FUT8: variants seen among roughly 807,000 people sequenced by gnomAD.
The protein encoded by FUT8 is fucosyltransferase 8.
In FUT8, 29 loss-of-function variants were observed where a neutral mutation model predicts 71.3. The ratio of observed to expected loss-of-function variants is 0.41; its 90% CI spans 0.30 to 0.55. The LOEUF is 0.55. Ranked by LOEUF, FUT8 falls within the 20% of genes least tolerant of loss-of-function variation. The pLI is 0.34. For missense variants in FUT8, 544 were observed against 702.1 expected, an observed-to-expected ratio of 0.77 and a Z score of 2.55; for synonymous variants, 254 against 239.3, an observed-to-expected ratio of 1.06 and a Z score of -0.57.
chr14:65,494,232 C>T (rs1205864471), intron 2 of FUT8, among the ~76,000 whole-genome samples: 1 of 152,110 alleles, frequency 6.6e-6, no homozygotes. Flanking sequence ...CAAAATATTT[C>T]AACAACTAAT....
At chr14:65,474,613 TAAAA>T in intron 2 of FUT8, among the ~76,000 whole-genome samples, 1 of 151,852 alleles carries the variant, frequency 6.6e-6, no homozygotes, top group South Asian at 2.1e-4. Flanking sequence ...AATAAAAAAT[TAAAA>T]AAGATCTTCT....
chr14:65,556,859 T>C (rs1885611514), intron 2 of FUT8, among the ~76,000 whole-genome samples: 1 of 152,224 alleles, frequency 6.6e-6, no homozygotes, highest in Non-Finnish European at 1.5e-5. Flanking sequence ...TTAAGCCTTT[T>C]CCAGTATTCT....
intron 3 of FUT8, among the ~76,000 whole-genome samples, chr14:65,586,804 T>C: frequency 6.6e-6 from 1 of 152,186 alleles, no homozygotes. Context: ...AAAGGACAAA[T>C]AATTTCCTCT....
intron 2 of FUT8, among the ~76,000 whole-genome samples, chr14:65,527,067 C>G (rs1339869745): frequency 6.6e-6 from 1 of 152,142 alleles, no homozygotes; most frequent in African/African-American, 2.4e-5. Context: ...CAAGGAGTAT[C>G]TTTGTGGCGT....
rs546350499 is a variant in FUT8 at position 65,665,539 on chromosome 14, G to A, written c.598-3704G>A. Among the ~76,000 whole-genome samples, 5 of 152,166 alleles carry A rather than the reference G, an allele frequency of 3.3e-5. No individual in the cohort carries two copies. In the South Asian group the frequency reaches 8.3e-4, roughly 25 times the overall value. ...GTAGAAAGCAGTGTGGAAATTACTC[G>A]AAGAACTTTTACTACCATTTGACCC... On this transcript the variant is annotated intron_variant, in intron 6 of 10. Coordinates refer to ENST00000673929, the MANE Select transcript of FUT8 (RefSeq NM_001371533.1).
chr14:65,535,513 A>G (rs1884246407), intron 2 of FUT8, among the ~76,000 whole-genome samples: 1 of 152,170 alleles, frequency 6.6e-6, no homozygotes, highest in African/African-American at 2.4e-5. Context: ...ACTAATGTTA[A>G]AGAACTTCTT....
At chr14:65,409,384 G>GA (rs569805251), upstream of FUT8, among the ~76,000 whole-genome samples, 17 of 152,134 alleles carry the variant, frequency 1.1e-4, no homozygotes, top group Admixed American at 5.2e-4. The surrounding 1 kb of genome is among the most constrained non-coding windows in gnomAD (Gnocchi z 5.4). Context: ...CCCCTTGCTG[G>GA]AACTCCACAG....
chr14:65,417,684 C>T (rs7145574), intron 1 of FUT8, among the ~76,000 whole-genome samples: 18,782 of 151,898 alleles, frequency 0.12, 1,492 homozygotes, highest in East Asian at 0.38. Flanking sequence ...AGGAGAAATA[C>T]GTTTTGAATT....
At chr14:65,680,195 CAG>C (rs1174605845) in intron 7 of FUT8, among the ~76,000 whole-genome samples, 1 of 152,188 alleles carries the variant, frequency 6.6e-6, no homozygotes, top group Non-Finnish European at 1.5e-5. Flanking sequence ...AAAGGCCAGA[CAG>C]AGAGCTAGAG....
intron 6 of FUT8, among the ~76,000 whole-genome samples, chr14:65,659,565 C>G (rs779827814): frequency 3.7e-4 from 56 of 152,122 alleles, no homozygotes; most frequent in Admixed American, 2.0e-3. Flanking sequence ...ATCTTTTACA[C>G]TTGATCTTAG....
intron 2 of FUT8, among the ~76,000 whole-genome samples, chr14:65,485,229 T>C (rs1200115903): frequency 1.3e-5 from 2 of 152,212 alleles, no homozygotes; most frequent in Non-Finnish European, 2.9e-5. Context: ...TGGGTTGGTT[T>C]CAGTCAATTG....
At chr14:65,667,373 T>A (rs112072398) in intron 6 of FUT8, among the ~76,000 whole-genome samples, 69 of 152,028 alleles carry the variant, frequency 4.5e-4, no homozygotes, top group Non-Finnish European at 8.2e-4. Context: ...TTTCTATACA[T>A]CAGTAATATC....
intron 6 of FUT8, among the ~76,000 whole-genome samples, chr14:65,658,998 G>A (rs368731741): frequency 1.5e-4 from 23 of 151,976 alleles, no homozygotes; most frequent in East Asian, 5.8e-4. Flanking sequence ...CTTTTTGGAA[G>A]GTACGCTGTA....
rs1886377858 is a variant in FUT8 at position 65,569,706 on chromosome 14, A to C, written c.203+7940A>C. Among the ~76,000 whole-genome samples, 4 of 151,514 alleles carry C rather than the reference A, an allele frequency of 2.6e-5. No homozygotes were observed. The South Asian group carries it at 8.3e-4, about 32-fold the overall frequency. On this transcript the variant is annotated intron_variant, in intron 3 of 10. Transcript: ENST00000673929. ...ATCACCTTTTGGTTGATTTCTTTTGATATTTATTTTGATTGTTAGTCAAAT... is the reference window on the plus strand; with the variant it reads ...ATCACCTTTTGGTTGATTTCTTTTGCTATTTATTTTGATTGTTAGTCAAAT...
At chr14:65,380,844 A>G in the FUT8 span, among the ~76,000 whole-genome samples, 1 of 152,248 alleles carries the variant, frequency 6.6e-6, no homozygotes, top group Non-Finnish European at 1.5e-5. Flanking sequence ...CAATGTCACA[A>G]GTTTCCCATT....
chr14:65,364,174 G>A, the FUT8 span, among the ~76,000 whole-genome samples: 2 of 150,576 alleles, frequency 1.3e-5, no homozygotes, highest in Non-Finnish European at 3.0e-5. Flanking sequence ...TTTAAAATAG[G>A]AGTAAAATGA....
chr14:65,392,403 T>G, the FUT8 span, among the ~76,000 whole-genome samples: 1 of 152,206 alleles, frequency 6.6e-6, no homozygotes, highest in Non-Finnish European at 1.5e-5. Flanking sequence ...AAGGCCACAA[T>G]TATAAAATCC....
At chr14:65,492,787 A>G (rs964162121) in intron 2 of FUT8, among the ~76,000 whole-genome samples, 2 of 152,176 alleles carry the variant, frequency 1.3e-5, no homozygotes, top group Admixed American at 6.6e-5. Flanking sequence ...GTAATAAGAG[A>G]TTCAGCTTAC....
At chr14:65,740,918 GC>G (rs1896466997) in intron 10 of FUT8, among the ~76,000 whole-genome samples, 1 of 151,966 alleles carries the variant, frequency 6.6e-6, no homozygotes, top group South Asian at 2.1e-4. Context: ...TTAAAAGACT[GC>G]CGGGTAGTCC....
Sources: allele counts gnomAD v4.1 joint callset (sites outside exome capture counted in the v4.1 genomes callset), GRCh38; gene constraint gnomAD v4.1.1; non-coding constraint Gnocchi (gnomAD v3.1); transcripts MANE v1.5; gene names NCBI Gene and HGNC (gene_info 2026-07-23, HGNC 2026-07-21).